The following MXI1 variants were observed in gnomAD, a reference collection of about 807,000 sequenced individuals.
MXI1 encodes the protein MAX interactor 1, dimerization protein, also known as max-interacting protein 1.
A neutral mutation model predicts 36.9 loss-of-function variants in MXI1; 18 were observed. The observed-to-expected ratio is 0.49, with a 90% CI of 0.34 to 0.72. The LOEUF is 0.72. MXI1 is among the 30% of genes least tolerant of loss of function. MXI1 has a pLI of 0.01. For missense variants in MXI1, 304 were observed against 379.1 expected, an observed-to-expected ratio of 0.80 and a Z score of 1.64; for synonymous variants, 160 against 146.7, an observed-to-expected ratio of 1.09 and a Z score of -0.65.
Position 110,285,061 on chromosome 10 carries a change from G to T in MXI1, c.*74G>T. ...TCAATACAAACAATCTCTTAAATTGGGTTCATGATGCAGTCTCCTCTTTAA... is the reference window on the plus strand; with the variant it reads ...TCAATACAAACAATCTCTTAAATTGTGTTCATGATGCAGTCTCCTCTTTAA... On this transcript the variant is annotated 3_prime_UTR_variant, in exon 6 of 6. Transcript: ENST00000332674. 7.2e-7 allele frequency: 1 copy of T among 1,392,858 alleles called. No individual in the cohort carries two copies. The highest frequency in any genetic ancestry group is 9.7e-7 in the Non-Finnish European group (1 of 1,035,778). 86.3% of individuals were successfully genotyped at this position (1,392,858 alleles called of 1,614,324 possible).
intron 3 of MXI1, among the ~76,000 whole-genome samples, chr10:110,268,017 G>GA (rs1482533033): frequency 6.6e-6 from 1 of 152,172 alleles, no homozygotes; most frequent in Non-Finnish European, 1.5e-5. Context: ...GCCAAGATTG[G>GA]AAAATTTAAC....
In MXI1 at chr10:110,284,979, A is replaced by G. The variant is rs1055634060; in HGVS notation, c.880A>G (p.Thr294Ala). 6.2e-7 allele frequency: 1 copy of G among 1,611,440 alleles called. No homozygotes were observed. The change falls in exon 6 of 6, where the codon ACT becomes GCT. Residue 294 changes from threonine (T) to alanine (A), a missense_variant. Thr to Ala is a moderately conservative substitution (Grantham distance 58). Around this residue, in one of 2 missense-constraint regions of MXI1, gnomAD observed 125 missense variants for 194.3 expected, o/e 0.64. Transcript: ENST00000332674. ...YSSASVKLSF[T>A]S ...CAGTGCCAGTGTCAAACTTTCATTC[A>G]CTTCATAGAACCCAGCATGACATAA...
intron 1 of MXI1, chr10:110,225,849 C>T (rs1854943244): frequency 3.6e-6 from 1 of 280,744 alleles, no homozygotes; most frequent in African/African-American, 2.3e-5. Context: ...TTGCGGAACG[C>T]AGGCGCCCTG....
chr10:110,217,582 G>A (rs991055624), intron 1 of MXI1, among the ~76,000 whole-genome samples: 3 of 152,168 alleles, frequency 2.0e-5, no homozygotes, highest in East Asian at 1.9e-4. Context: ...GACTGTGTGT[G>A]CCTTGCATAC....
chr10:110,227,770 C>G (rs1173489194), intron 1 of MXI1: 2 of 191,318 alleles, frequency 1.0e-5, no homozygotes, highest in African/African-American at 2.3e-5. Context: ...AAATGTCTTT[C>G]TAAGACTTGT....
Position 110,285,905 on chromosome 10 carries a change from T to G in MXI1, c.*918T>G, listed in dbSNP as rs1857417006. On this transcript the variant is annotated 3_prime_UTR_variant, in exon 6 of 6. Coordinates refer to ENST00000332674, the MANE Select transcript of MXI1 (RefSeq NM_130439.3). ...TTTCAGATTTTGATAACTGTTTATA[T>G]GTGTTGAAAACCAAAATGACATCTT... The G allele has an allele frequency of 6.6e-6, 1 of 152,606 alleles. No individual in the cohort carries two copies. Among genetic ancestry groups the G allele is most frequent in the Non-Finnish European group, 1.5e-5 (1 of 68,042 alleles). 9.5% of individuals were successfully genotyped at this position (152,606 alleles called of 1,614,324 possible).
In MXI1 at chr10:110,216,665, G is replaced by GTTTT. The variant is rs10656872; in HGVS notation, c.274+8600_274+8603dup. ...CCTGTCTCCCCTATCTGTGTTTAAT[G>GTTTT]TTTTTTTTTTTTTTTTTTTTGGAGA... On this transcript the variant is annotated intron_variant, in intron 1 of 5. Transcript: ENST00000332674. 7.4e-3 allele frequency among the ~76,000 whole-genome samples: 585 copies of GTTTT among 79,008 alleles called. 102 individuals carry two copies. Among genetic ancestry groups the GTTTT allele is most frequent in the African/African-American group, 0.029 (362 of 12,570 alleles). 51.8% of individuals were successfully genotyped at this position (79,008 alleles called of 152,430 possible). A position where few individuals can be genotyped will look rare whatever the true frequency, so the allele number is the denominator to read the frequency against.
chr10:110,267,561 G>A (rs552987990), intron 3 of MXI1, among the ~76,000 whole-genome samples: 2 of 152,062 alleles, frequency 1.3e-5, no homozygotes, highest in African/African-American at 4.8e-5. Flanking sequence ...GCTTGTATTC[G>A]ACAAAGCTGT....
chr10:110,261,045 C>T (rs1856493336), intron 3 of MXI1: 7 of 984,740 alleles, frequency 7.1e-6, no homozygotes, highest in Non-Finnish European at 8.4e-6. Context: ...GAGCCATATA[C>T]CAGGAGGAAA....
At chr10:110,259,236 A>T (rs1273383975) in intron 3 of MXI1, among the ~76,000 whole-genome samples, 1 of 152,104 alleles carries the variant, frequency 6.6e-6, no homozygotes, top group Non-Finnish European at 1.5e-5. Flanking sequence ...TGAATTTGTA[A>T]TTTAAAAAAA....
chr10:110,271,063 G>T (rs1856835643), intron 3 of MXI1, among the ~76,000 whole-genome samples: 1 of 150,706 alleles, frequency 6.6e-6, no homozygotes, highest in African/African-American at 2.5e-5. Flanking sequence ...CTGCACTCCA[G>T]CTTGGGCAAC....
In MXI1 at chr10:110,286,995, CTG is replaced by C. The variant is rs777279247; in HGVS notation, c.*2012_*2013del. 1 of 152,158 alleles carries C rather than the reference CTG, an allele frequency of 6.6e-6. No individual in the cohort carries two copies. Among genetic ancestry groups the C allele is most frequent in the Admixed American group, 6.5e-5 (1 of 15,280 alleles). 9.4% of individuals were successfully genotyped at this position (152,158 alleles called of 1,614,324 possible). A position where few individuals can be genotyped will look rare whatever the true frequency, so the allele number is the denominator to read the frequency against. On this transcript the variant is annotated 3_prime_UTR_variant, in exon 6 of 6. Coordinates refer to ENST00000332674, the MANE Select transcript of MXI1 (RefSeq NM_130439.3). ...TAATGGCTGAGTCAAGATGTTGTCT[CTG>C]TGTTTGCTTACTCTTGATCAAGTGT...
At chr10:110,273,725 T>C (rs889227937) in intron 3 of MXI1, among the ~76,000 whole-genome samples, 1 of 152,164 alleles carries the variant, frequency 6.6e-6, no homozygotes, top group African/African-American at 2.4e-5. Context: ...GCGGAAAATA[T>C]AAGCACTGTC....
At chr10:110,238,540 G>T (rs112163171) in intron 2 of MXI1, among the ~76,000 whole-genome samples, 7,980 of 152,136 alleles carry the variant, frequency 0.052, 319 homozygotes, top group Middle Eastern at 0.15. Context: ...ATTTGTCAGG[G>T]TTTGGTATCA....
intron 3 of MXI1, among the ~76,000 whole-genome samples, chr10:110,259,159 T>C (rs116724364): frequency 6.6e-6 from 1 of 152,286 alleles, no homozygotes; most frequent in African/African-American, 2.4e-5. Context: ...TAGCTTTTTA[T>C]GCAAGTGATT....
intron 1 of MXI1, among the ~76,000 whole-genome samples, chr10:110,216,242 G>A (rs1398536244): frequency 6.6e-6 from 1 of 152,214 alleles, no homozygotes; most frequent in Non-Finnish European, 1.5e-5. Context: ...AAAATTTAGA[G>A]AAACTCTCTT....
At chr10:110,255,915 T>A (rs941594735) in intron 3 of MXI1, among the ~76,000 whole-genome samples, 1 of 152,160 alleles carries the variant, frequency 6.6e-6, no homozygotes, top group Non-Finnish European at 1.5e-5. Context: ...TGATTTCAAA[T>A]CTCACTATAA....
intron 1 of MXI1, among the ~76,000 whole-genome samples, chr10:110,217,232 A>C (rs1337450077): frequency 6.6e-6 from 1 of 152,226 alleles, no homozygotes; most frequent in East Asian, 1.9e-4. Flanking sequence ...TAGACACAGC[A>C]AAATTAGAAA....
chr10:110,267,768 C>T (rs1049682455), intron 3 of MXI1, among the ~76,000 whole-genome samples: 1 of 152,092 alleles, frequency 6.6e-6, no homozygotes, highest in Non-Finnish European at 1.5e-5. Context: ...TTGAAAACAG[C>T]TGGAATTTAC....
Sources: allele counts gnomAD v4.1 joint callset (sites outside exome capture counted in the v4.1 genomes callset), GRCh38; gene constraint gnomAD v4.1.1; regional missense constraint gnomAD v4.1.1; transcripts MANE v1.5; gene names NCBI Gene and HGNC (gene_info 2026-07-23, HGNC 2026-07-21).